The following MID1 variants were observed in gnomAD, a reference collection of about 807,000 sequenced individuals.
MID1 encodes the protein E3 ubiquitin-protein ligase Midline-1.
A neutral mutation model predicts 40.4 loss-of-function variants in MID1; 7 were observed. That is an observed-to-expected ratio of 0.17 (90% CI 0.10 to 0.33). The LOEUF is 0.33. MID1 is among the 10% of genes least tolerant of loss of function. MID1 has a pLI of 1.00. For synonymous variants in MID1, 229 were observed against 221.2 expected, an observed-to-expected ratio of 1.04 and a Z score of -0.31; for missense variants, 367 against 558.5, an observed-to-expected ratio of 0.66 and a Z score of 3.46.
At chrX:10,639,818 C>T (rs776741971) in intron 1 of MID1, among the ~76,000 whole-genome samples, 7 of 112,090 alleles carry the variant, frequency 6.2e-5, no homozygotes, top group South Asian at 3.8e-4. Flanking sequence ...GCTGATCTGT[C>T]GGCAGAAACT....
chrX:10,684,548 C>T (rs1413324295), intron 1 of MID1, among the ~76,000 whole-genome samples: 13 of 108,431 alleles, frequency 1.2e-4, no homozygotes, highest in Admixed American at 6.0e-4. Flanking sequence ...GGACTACAGG[C>T]GTGTGCCACC....
intron 3 of MID1, among the ~76,000 whole-genome samples, chrX:10,509,895 T>C (rs1348342757): frequency 1.8e-5 from 2 of 112,041 alleles, no homozygotes; most frequent in Non-Finnish European, 3.8e-5. Context: ...AGGAAGACTG[T>C]CCTATTTACC....
chrX:10,511,630 C>A (rs923301331), intron 3 of MID1, among the ~76,000 whole-genome samples: 2 of 112,212 alleles, frequency 1.8e-5, no homozygotes, highest in African/African-American at 6.5e-5. Context: ...CTCAAACAAT[C>A]CTCCCACCTT....
intron 1 of MID1, among the ~76,000 whole-genome samples, chrX:10,681,587 T>A (rs1248191338): frequency 8.9e-6 from 1 of 111,805 alleles, no homozygotes; most frequent in Non-Finnish European, 1.9e-5. Flanking sequence ...AGAAGTCATA[T>A]CACCTTTTAC....
intron 2 of MID1, among the ~76,000 whole-genome samples, chrX:10,524,630 G>A (rs1262642587): frequency 8.9e-6 from 1 of 112,303 alleles, no homozygotes; most frequent in Non-Finnish European, 1.9e-5. Context: ...GCCAGACTCT[G>A]AAAGAGACAG....
At chrX:10,703,642 G>A (rs753342231) in intron 1 of MID1, among the ~76,000 whole-genome samples, 4 of 111,811 alleles carry the variant, frequency 3.6e-5, no homozygotes, top group South Asian at 3.8e-4. Flanking sequence ...ACTCCAGCCC[G>A]GGCGACAGAG....
intron 1 of MID1, among the ~76,000 whole-genome samples, chrX:10,663,932 G>A (rs1424097989): frequency 3.6e-5 from 4 of 111,376 alleles, no homozygotes; most frequent in South Asian, 3.7e-4. Context: ...GAGTATACAC[G>A]CATCCTCCCT....
chrX:10,515,409 C>A (rs996085981), intron 3 of MID1, among the ~76,000 whole-genome samples: 1 of 111,939 alleles, frequency 8.9e-6, no homozygotes, highest in Non-Finnish European at 1.9e-5. Context: ...AATTAAACAG[C>A]CTTAATTCCT....
At chrX:10,785,450 G>T (rs1335636066) in intron 1 of MID1, among the ~76,000 whole-genome samples, 9 of 111,202 alleles carry the variant, frequency 8.1e-5, no homozygotes, top group South Asian at 3.8e-4. Context: ...TTTCTTCAAA[G>T]AATTGGAAAA....
chrX:10,498,961 T>C (rs888196042), intron 3 of MID1, among the ~76,000 whole-genome samples: 9 of 111,889 alleles, frequency 8.0e-5, no homozygotes, highest in African/African-American at 2.6e-4. Context: ...TTTTCTTTGA[T>C]ATAGGGGTGG....
intron 1 of MID1, among the ~76,000 whole-genome samples, chrX:10,789,416 C>T (rs113789787): frequency 0.1 from 11,665 of 111,845 alleles, 1,455 homozygotes; most frequent in African/African-American, 0.36. Context: ...CATAAGATTA[C>T]AATAGAGCTG....
intron 1 of MID1, among the ~76,000 whole-genome samples, chrX:10,828,334 G>T (rs961450787): frequency 9.0e-6 from 1 of 111,347 alleles, no homozygotes; most frequent in Admixed American, 9.6e-5. Context: ...CATTCTGCTG[G>T]GGTAGGGTGT....
intron 7 of MID1, among the ~76,000 whole-genome samples, chrX:10,463,465 TACA>T (rs1004384946): frequency 8.9e-6 from 1 of 112,051 alleles, no homozygotes; most frequent in Non-Finnish European, 1.9e-5. Flanking sequence ...TGTCACGCAA[TACA>T]ACATCTGCAA....
At chrX:10,643,808 T>C (rs1269423308) in intron 1 of MID1, among the ~76,000 whole-genome samples, 1 of 111,654 alleles carries the variant, frequency 9.0e-6, no homozygotes, top group Non-Finnish European at 1.9e-5. Context: ...ATATACACCA[T>C]GGAATACTAT....
intron 2 of MID1, among the ~76,000 whole-genome samples, chrX:10,532,087 T>C (rs187027223): frequency 2.2e-4 from 25 of 112,489 alleles, no homozygotes; most frequent in Non-Finnish European, 4.3e-4. Context: ...CTAGAAGAGC[T>C]GTGGATGGTC....
At chrX:10,637,068 G>T (rs889307707) in intron 1 of MID1, among the ~76,000 whole-genome samples, 1 of 107,093 alleles carries the variant, frequency 9.3e-6, no homozygotes, top group Non-Finnish European at 1.9e-5. Context: ...TTTCCAAGGG[G>T]CCCTTTTCAA....
chrX:10,727,912 C>G (rs1296212239), intron 1 of MID1, among the ~76,000 whole-genome samples: 1 of 111,962 alleles, frequency 8.9e-6, no homozygotes, highest in Non-Finnish European at 1.9e-5. Context: ...TCGTAACACT[C>G]TAGTTTAGAT....
chrX:10,538,130 G>A (rs762692242), intron 2 of MID1, among the ~76,000 whole-genome samples: 28 of 110,918 alleles, frequency 2.5e-4, no homozygotes, highest in African/African-American at 7.9e-4. Context: ...GTGCCACCAC[G>A]CCAGTCTGAT....
chrX:10,760,172 C>T (rs976117369), intron 1 of MID1, among the ~76,000 whole-genome samples: 5 of 111,814 alleles, frequency 4.5e-5, no homozygotes, highest in Non-Finnish European at 9.4e-5. Flanking sequence ...GATAGTCAGT[C>T]AAGGGCAGGT....
Sources: allele counts gnomAD v4.1 joint callset (sites outside exome capture counted in the v4.1 genomes callset), GRCh38; gene constraint gnomAD v4.1.1; transcripts MANE v1.5; gene names NCBI Gene and HGNC (gene_info 2026-07-23, HGNC 2026-07-21).